Variants in PLCG2 observed in about 807,000 individuals in gnomAD.
PLCG2 encodes phospholipase C gamma 2.
Under a neutral mutation model 175.6 loss-of-function variants are expected in PLCG2, and 69 were observed. That is an observed-to-expected ratio of 0.39 (90% CI 0.32 to 0.48). The LOEUF is 0.48. Among genes scored for constraint, PLCG2 ranks in the 20% least tolerant of loss-of-function variants. The pLI is 0.91. For missense variants in PLCG2, 1,798 were observed against 1,650.9 expected, an observed-to-expected ratio of 1.09 and a Z score of -1.54; for synonymous variants, 827 against 624.0, an observed-to-expected ratio of 1.33 and a Z score of -4.85.
chr16:81,873,554 T>C (rs1450836128), intron 7 of PLCG2, among the ~76,000 whole-genome samples: 1 of 118,248 alleles, frequency 8.5e-6, no homozygotes, highest in African/African-American at 3.2e-5. Flanking sequence ...CAAATAACAG[T>C]TTTTTTTTTT....
chr16:81,897,176 A>G (rs1163594165), intron 13 of PLCG2, among the ~76,000 whole-genome samples: 2 of 152,252 alleles, frequency 1.3e-5, no homozygotes, highest in African/African-American at 4.8e-5. Context: ...AGGCCATCAT[A>G]TGCCGACTCC....
intron 2 of PLCG2, among the ~76,000 whole-genome samples, chr16:81,816,246 C>T (rs544129296): frequency 2.0e-5 from 3 of 152,108 alleles, no homozygotes; most frequent in African/African-American, 7.2e-5. Flanking sequence ...CAGCACATGC[C>T]TGTAATCCCA....
chr16:81,752,905 G>A (rs1003480137), intron 1 of PLCG2, among the ~76,000 whole-genome samples: 2 of 152,232 alleles, frequency 1.3e-5, no homozygotes, highest in South Asian at 2.1e-4. Context: ...CTGTCAACTC[G>A]GGGCTTTGGG....
At chr16:81,816,973 A>G (rs1241623422) in intron 2 of PLCG2, among the ~76,000 whole-genome samples, 3 of 152,066 alleles carry the variant, frequency 2.0e-5, no homozygotes, top group Non-Finnish European at 2.9e-5. Context: ...TCCTATGCCC[A>G]TTGCACAGTT....
At chr16:81,849,608 T>TAC (rs1248873263) in intron 2 of PLCG2, among the ~76,000 whole-genome samples, 3 of 151,698 alleles carry the variant, frequency 2.0e-5, no homozygotes, top group Non-Finnish European at 4.4e-5. Context: ...GAAATACACA[T>TAC]ACACACACAC....
chr16:81,937,243 T>C (rs1409981602), intron 27 of PLCG2: 1 of 152,326 alleles, frequency 6.6e-6, no homozygotes, highest in Non-Finnish European at 1.5e-5. Context: ...TGTTGAACTT[T>C]TTGCCGTTTG....
intron 2 of PLCG2, among the ~76,000 whole-genome samples, chr16:81,806,000 A>G (rs1912005126): frequency 6.6e-6 from 1 of 151,990 alleles, no homozygotes; most frequent in South Asian, 2.1e-4. Context: ...AGGTGAAACT[A>G]ACTTTATTAA....
At chr16:81,823,948 T>C (rs1260724162) in intron 2 of PLCG2, among the ~76,000 whole-genome samples, 3 of 149,206 alleles carry the variant, frequency 2.0e-5, no homozygotes, top group Non-Finnish European at 3.0e-5. Flanking sequence ...CCCTTCCTCC[T>C]TTCCCTTTCC....
intron 2 of PLCG2, among the ~76,000 whole-genome samples, chr16:81,829,091 G>A (rs950691828): frequency 6.6e-6 from 1 of 152,012 alleles, no homozygotes; most frequent in Non-Finnish European, 1.5e-5. Flanking sequence ...TCATTAATGG[G>A]GTAGTTAGTA....
chr16:81,944,935 G>A (rs140363214), intron 30 of PLCG2, among the ~76,000 whole-genome samples: 1 of 152,080 alleles, frequency 6.6e-6, no homozygotes, highest in Non-Finnish European at 1.5e-5. Flanking sequence ...ATTTTTTTTA[G>A]TGTTGCTGTA....
At chr16:81,790,318 G>A (rs950683325) in intron 2 of PLCG2, among the ~76,000 whole-genome samples, 1 of 152,192 alleles carries the variant, frequency 6.6e-6, no homozygotes, top group Non-Finnish European at 1.5e-5. Context: ...GAGGGATGAC[G>A]TGATTGGATT....
chr16:81,778,092 C>A (rs915967470), upstream of PLCG2, among the ~76,000 whole-genome samples: 1 of 140,070 alleles, frequency 7.1e-6, no homozygotes, highest in Non-Finnish European at 1.6e-5. Flanking sequence ...AAAAAAAACG[C>A]TATAACAGAC....
Position 81,859,180 on chromosome 16 carries a change from T to A in PLCG2, c.479+17T>A, listed in dbSNP as rs770649603. The A allele has an allele frequency of 1.2e-5, 18 of 1,544,862 alleles. No individual in the cohort carries two copies. In the East Asian group the frequency reaches 4.0e-4, roughly 35 times the overall value. ...AAGAAACAGGTAAGAGTCATTCAGT[T>A]TTTTTCTGATCACTTTGGATTTCGA... On this transcript the variant is annotated intron_variant, in intron 5 of 32. Coordinates refer to ENST00000564138, the MANE Select transcript of PLCG2 (RefSeq NM_002661.5).
At position 81,888,761 on chromosome 16, in the gene PLCG2, C is replaced by T. The variant is rs115370742; in HGVS notation, c.766-411C>T. ...CCCCAGGCTGCTTCATACTAACAAA[C>T]GTAAAGAGCTATCATAGGGCAGGAG... is the stretch of plus-strand genomic sequence containing the variant. On this transcript the variant is annotated intron_variant, in intron 9 of 32. Transcript: ENST00000564138. 4.0e-3 allele frequency among the ~76,000 whole-genome samples: 614 copies of T among 152,302 alleles called. 1 individual carries two copies. The highest frequency in any genetic ancestry group is 0.014 in the African/African-American group (578 of 41,556).
rs80080055 is a variant in PLCG2 at position 81,794,126 on chromosome 16, T to G, written c.193+7944T>G. Among the ~76,000 whole-genome samples the G allele has an allele frequency of 1.2e-3, 183 of 152,216 alleles. 2 individuals carry two copies. In the East Asian group the frequency reaches 0.023, roughly 19 times the overall value. ...TACCAAGAGAAAGGAGACTCAGTGCTCATCCTAGAGGCGCCGGATTTGTGG... is the reference window on the plus strand; with the variant it reads ...TACCAAGAGAAAGGAGACTCAGTGCGCATCCTAGAGGCGCCGGATTTGTGG... On this transcript the variant is annotated intron_variant, in intron 2 of 32. Coordinates refer to ENST00000564138, the MANE Select transcript of PLCG2 (RefSeq NM_002661.5).
At chr16:81,837,684 GTT>G (rs1218961131) in intron 2 of PLCG2, among the ~76,000 whole-genome samples, 164 of 126,122 alleles carry the variant, frequency 1.3e-3, no homozygotes, top group African/African-American at 3.8e-3. Flanking sequence ...ACCAACATGT[GTT>G]TTTTTTTTTT....
chr16:81,848,250 A>G (rs1906224817), intron 2 of PLCG2, among the ~76,000 whole-genome samples: 2 of 152,242 alleles, frequency 1.3e-5, no homozygotes, highest in Non-Finnish European at 2.9e-5. Context: ...TTTCAGAAGT[A>G]TGATGAATAA....
At chr16:81,945,977 C>T (rs1258506528) in intron 30 of PLCG2, among the ~76,000 whole-genome samples, 198 bp from the exon 31 acceptor site, 2 of 152,052 alleles carry the variant, frequency 1.3e-5, no homozygotes, top group Admixed American at 6.6e-5. Context: ...CTGTATGGAC[C>T]AGTCAGTCAT....
At chr16:81,775,552 T>C (rs1910380289), upstream of PLCG2, among the ~76,000 whole-genome samples, 1 of 152,162 alleles carries the variant, frequency 6.6e-6, no homozygotes, top group Admixed American at 6.5e-5. Context: ...CCCTCAGATG[T>C]AGGTACATTT....
Sources: allele counts gnomAD v4.1 joint callset (sites outside exome capture counted in the v4.1 genomes callset), GRCh38; gene constraint gnomAD v4.1.1; transcripts MANE v1.5; gene names NCBI Gene and HGNC (gene_info 2026-07-23, HGNC 2026-07-21).